Variants in RPA1 observed in about 807,000 individuals in gnomAD.
RPA1 encodes replication protein A 70 kDa DNA-binding subunit.
In RPA1, 49 loss-of-function variants were observed where a neutral mutation model predicts 83.0. The observed-to-expected ratio is 0.59, with a 90% CI of 0.47 to 0.75. The LOEUF is 0.75. Ranked by LOEUF, RPA1 falls within the 30% of genes least tolerant of loss-of-function variation. The pLI is 0.00. For missense variants in RPA1, 693 were observed against 776.1 expected (o/e 0.89, Z 1.27); for synonymous variants, 279 against 281.8 (o/e 0.99, Z 0.10).
At chr17:1,856,572 C>T (rs1912706569) in intron 5 of RPA1, among the ~76,000 whole-genome samples, 2 of 152,234 alleles carry the variant, frequency 1.3e-5, no homozygotes, top group Admixed American at 1.3e-4. Context: ...GGCACTCCAG[C>T]TGGGCCGACA....
chr17:1,894,602 C>T (rs770187849), intron 15 of RPA1, among the ~76,000 whole-genome samples: 1 of 152,214 alleles, frequency 6.6e-6, no homozygotes. Context: ...TACTGTGCCC[C>T]TGTCACCACC....
At chr17:1,875,878 C>A in intron 7 of RPA1, 85 bp downstream of exon 7, 5 of 1,316,108 alleles carry the variant, frequency 3.8e-6, no homozygotes, top group Non-Finnish European at 5.1e-6. Flanking sequence ...TATGCGTGAA[C>A]TTCAGGGTCA....
chr17:1,861,441 G>A (rs1912965820), intron 5 of RPA1, among the ~76,000 whole-genome samples: 1 of 152,050 alleles, frequency 6.6e-6, no homozygotes, highest in South Asian at 2.1e-4. Context: ...TAGGTGTTAG[G>A]GTGAACCTGG....
intron 1 of RPA1, among the ~76,000 whole-genome samples, chr17:1,832,685 C>T (rs188443110): frequency 6.6e-6 from 1 of 152,298 alleles, no homozygotes; most frequent in Admixed American, 6.5e-5. Flanking sequence ...CCGCGCACGA[C>T]CCCATTCACT....
At chr17:1,894,403 G>A (rs145371503) in intron 15 of RPA1, among the ~76,000 whole-genome samples, 56 of 152,286 alleles carry the variant, frequency 3.7e-4, no homozygotes, top group African/African-American at 1.1e-3. Context: ...CCAACCTCAA[G>A]TGATCCACCC....
In RPA1 at chr17:1,855,356, TG is replaced by T. The variant is rs879390810; in HGVS notation, c.361+2168del. ...TTGTGTGTGTGTGTGTGTGTGTGTGTGTGTGTGTGTTTAGTAGAGACAGGGT... is the reference window on the plus strand; with the variant it reads ...TTGTGTGTGTGTGTGTGTGTGTGTGTTGTGTGTGTTTAGTAGAGACAGGGT... On this transcript the variant is annotated intron_variant, in intron 5 of 16. Transcript: ENST00000254719. Among the ~76,000 whole-genome samples, 592 of 149,130 alleles carry T rather than the reference TG, an allele frequency of 4.0e-3. 7 individuals carry two copies. Among genetic ancestry groups the T allele is most frequent in the Middle Eastern group, 6.8e-3 (2 of 292 alleles).
In RPA1 at chr17:1,885,047, C is replaced by T. The variant is rs1913941889; in HGVS notation, c.1374+1103C>T. On this transcript the variant is annotated intron_variant, in intron 13 of 16. Coordinates refer to ENST00000254719, the MANE Select transcript of RPA1 (RefSeq NM_002945.5). ...CCTTTCACAAAAGCTTTCTCCATAG[C>T]CGGCGATGCTGTTTGACAGCATTTT... Among the ~76,000 whole-genome samples, 5 of 152,284 alleles carry T rather than the reference C, an allele frequency of 3.3e-5. No homozygotes were observed. The South Asian group carries it at 1.0e-3, about 32-fold the overall frequency.
At chr17:1,894,028 AG>A (rs1319039629) in intron 15 of RPA1, among the ~76,000 whole-genome samples, 178 of 103,964 alleles carry the variant, frequency 1.7e-3, no homozygotes, top group African/African-American at 5.4e-3. Flanking sequence ...ACCTGGCTTA[AG>A]TTTTTTTTTT....
chr17:1,873,653 C>G (rs1913460969), intron 6 of RPA1, among the ~76,000 whole-genome samples: 1 of 152,062 alleles, frequency 6.6e-6, no homozygotes, highest in East Asian at 1.9e-4. Flanking sequence ...CTTGCTCTGT[C>G]TCTCCTTTTA....
chr17:1,852,685 G>A (rs1201065432), intron 4 of RPA1, among the ~76,000 whole-genome samples: 2 of 152,186 alleles, frequency 1.3e-5, no homozygotes, highest in Non-Finnish European at 2.9e-5. Context: ...CAAAAGAACT[G>A]TAAGTTCTTA....
intron 1 of RPA1, among the ~76,000 whole-genome samples, chr17:1,833,818 C>T (rs1023293687): frequency 6.6e-6 from 1 of 151,930 alleles, no homozygotes; most frequent in Non-Finnish European, 1.5e-5. Flanking sequence ...CGCACCATTG[C>T]ACTCCAGCAA....
rs560731985 is a variant in RPA1, at chr17:1,836,330, G to A, written c.33+6204G>A. On this transcript the variant is annotated intron_variant, in intron 1 of 16. Coordinates refer to ENST00000254719, the MANE Select transcript of RPA1 (RefSeq NM_002945.5). ...TCACTATGTTGGCCAGGCTGGTCTC[G>A]AACTCCTGACCTCAGATGCTCCTCC... Among the ~76,000 whole-genome samples, 7 of 152,060 alleles carry A rather than the reference G, an allele frequency of 4.6e-5. No individual in the cohort carries two copies. The East Asian group carries it at 1.2e-3, about 25-fold the overall frequency.
At chr17:1,869,213 T>A (rs1396548977) in intron 5 of RPA1, among the ~76,000 whole-genome samples, 3 of 152,180 alleles carry the variant, frequency 2.0e-5, no homozygotes, top group Non-Finnish European at 1.5e-5. Flanking sequence ...TGAGTGCAAA[T>A]AATTTGAGGT....
chr17:1,833,999 T>C (rs1212869247), intron 1 of RPA1, among the ~76,000 whole-genome samples: 1 of 152,092 alleles, frequency 6.6e-6, no homozygotes, highest in East Asian at 1.9e-4. Context: ...CTGGCCAACA[T>C]GGGGAAACCC....
intron 5 of RPA1, among the ~76,000 whole-genome samples, chr17:1,867,596 G>C (rs1210746179): frequency 6.6e-6 from 1 of 151,950 alleles, no homozygotes; most frequent in East Asian, 1.9e-4. Context: ...CTCTAGTCCT[G>C]GCTACTCGGG....
intron 4 of RPA1, among the ~76,000 whole-genome samples, chr17:1,846,072 C>T (rs951852333): frequency 6.6e-6 from 1 of 152,022 alleles, no homozygotes; most frequent in African/African-American, 2.4e-5. Context: ...TTTTTTCCTA[C>T]CTCTTTATCT....
intron 5 of RPA1, among the ~76,000 whole-genome samples, chr17:1,866,649 T>C (rs377208869): frequency 1.3e-5 from 2 of 151,938 alleles, no homozygotes; most frequent in East Asian, 1.9e-4. Context: ...TTAATAGATA[T>C]GGGGTTTTAC....
intron 5 of RPA1, among the ~76,000 whole-genome samples, chr17:1,871,720 T>C (rs1481194872): frequency 6.6e-6 from 1 of 152,222 alleles, no homozygotes. Context: ...CATGCTCTTA[T>C]GGTGGCATTT....
intron 16 of RPA1, 111 bp downstream of exon 16, chr17:1,895,206 C>T (rs149642215): frequency 9.0e-4 from 680 of 758,134 alleles, no homozygotes; most frequent in Non-Finnish European, 1.2e-3. Flanking sequence ...TGCCAGACCC[C>T]GGTGCTGACT....
Sources: gnomAD v4.1 joint callset for allele counts (sites outside exome capture counted in the v4.1 genomes callset) on GRCh38, gnomAD v4.1.1 for gene constraint, MANE v1.5 for transcripts, NCBI Gene and HGNC (gene_info 2026-07-23, HGNC 2026-07-21) for gene names.